COG2: variants seen among roughly 807,000 people sequenced by gnomAD.
COG2 encodes conserved oligomeric Golgi complex subunit 2.
Under a neutral mutation model 90.6 loss-of-function variants are expected in COG2, and 52 were observed. That is an observed-to-expected ratio of 0.57 (90% confidence interval 0.46 to 0.72). COG2 has a LOEUF of 0.72. Among genes scored for constraint, COG2 ranks in the 30% least tolerant of loss-of-function variants. The pLI is 0.00. For missense variants in COG2, 829 were observed against 891.2 expected (o/e 0.93, Z 0.89); for synonymous variants, 337 against 320.4 (o/e 1.05, Z -0.55).
At chr1:230,682,800 T>C (rs960241067) in intron 10 of COG2, 2 of 152,220 alleles carry the variant, frequency 1.3e-5, no homozygotes, top group Non-Finnish European at 1.5e-5. Flanking sequence ...TAAAGAGATA[T>C]ATGAAATTGC....
intron 1 of COG2, among the ~76,000 whole-genome samples, chr1:230,657,521 G>A (rs1662086439): frequency 6.6e-6 from 1 of 152,020 alleles, no homozygotes; most frequent in Admixed American, 6.5e-5. Context: ...TTTTAGCCTT[G>A]GTGAATCTGA....
At chr1:230,687,533 C>T (rs1436004570) in intron 13 of COG2, among the ~76,000 whole-genome samples, 2 of 152,082 alleles carry the variant, frequency 1.3e-5, no homozygotes, top group East Asian at 3.8e-4. Context: ...TAATTTACCC[C>T]GATATTTTCT....
rs1663100108 is a variant in COG2, at chr1:230,693,709, T to C, written c.*316T>C. 5.0e-6 allele frequency: 1 copy of C among 198,510 alleles called. No individual in the cohort carries two copies. Among genetic ancestry groups the C allele is most frequent in the Non-Finnish European group, 1.0e-5 (1 of 98,644 alleles). 12.3% of individuals were successfully genotyped at this position (198,510 alleles called of 1,614,324 possible). A position where few individuals can be genotyped will look rare whatever the true frequency, so the allele number is the denominator to read the frequency against. On this transcript the variant is annotated 3_prime_UTR_variant, in exon 18 of 18. Transcript: ENST00000366669. ...TGTGGAAGAGCTGATTTCTAAAATA[T>C]GATTAAAGTAAATATATACCTATGA...
At chr1:230,647,796 T>A (rs904374804) in intron 1 of COG2, among the ~76,000 whole-genome samples, 12 of 152,236 alleles carry the variant, frequency 7.9e-5, no homozygotes, top group Admixed American at 1.3e-4. Context: ...TACAGTGAAA[T>A]TGTTGTTATA....
At chr1:230,666,269 C>G (rs16852170) in intron 5 of COG2, among the ~76,000 whole-genome samples, 1 of 152,048 alleles carries the variant, frequency 6.6e-6, no homozygotes, top group Non-Finnish European at 1.5e-5. Context: ...CCTTCACTAA[C>G]GAGGCTAGAC....
chr1:230,660,784 G>T lies in COG2; in HGVS notation c.261G>T (p.Gln87His), dbSNP rs538382749. 3 of 1,587,268 alleles carry T rather than the reference G, an allele frequency of 1.9e-6. No individual in the cohort carries two copies. In the African/African-American group the frequency reaches 4.1e-5, roughly 22 times the overall value. The change falls in exon 3 of 18, where the codon CAG becomes CAT. Residue 87 changes from glutamine (Q) to histidine (H), a missense_variant. Physicochemically the swap from Gln to His is conservative, Grantham distance 24. Coordinates refer to ENST00000366669, the MANE Select transcript of COG2 (RefSeq NM_007357.3). ...TTGGCATGGACAAAGCCCTCAACCA[G>T]CTTTCTGTGCCTTTGGGACAATTAC... ...NLVGMDKALN[Q>H]LSVPLGQLRE...
intron 8 of COG2, among the ~76,000 whole-genome samples, chr1:230,674,536 G>T (rs1342053508): frequency 6.6e-6 from 1 of 152,232 alleles, no homozygotes. Flanking sequence ...AGAACTGAAA[G>T]TAATCTTAGA....
In COG2 at chr1:230,685,233, T is replaced by C. The variant is rs376997806; in HGVS notation, c.1377T>C (p.Asn459=). The stretch of plus-strand genomic sequence containing the variant: ...TGGCACGATACTCTGTGTTTGTCAA[T>C]GAGGTAAGGGCTGGCTGTGGAGCTC... ...QILARYSVFV[N]ELSLRPISNE... is the part of the protein sequence containing the mutation. Residue 459 remains asparagine, a synonymous_variant, in exon 12 of 18, where the codon AAT becomes AAC. Coordinates refer to ENST00000366669, the MANE Select transcript of COG2 (RefSeq NM_007357.3). 12 of 1,613,830 alleles carry C rather than the reference T, an allele frequency of 7.4e-6. No individual in the cohort carries two copies. Among genetic ancestry groups the C allele is most frequent in the Non-Finnish European group, 9.3e-6 (11 of 1,179,842 alleles).
chr1:230,648,417 G>T (rs191486931), intron 1 of COG2, among the ~76,000 whole-genome samples: 3 of 152,296 alleles, frequency 2.0e-5, no homozygotes, highest in Admixed American at 6.5e-5. Flanking sequence ...TTTAGCTTCA[G>T]TTTGCAACAC....
At chr1:230,670,405 GA>G (rs1662420755) in intron 7 of COG2, 1 of 152,168 alleles carries the variant, frequency 6.6e-6, no homozygotes, top group Non-Finnish European at 1.5e-5. Flanking sequence ...ATTTCAGGGT[GA>G]AAGTCTTTTA....
chr1:230,668,716 G>T lies in COG2; in HGVS notation c.526G>T (p.Glu176Ter). The T allele has an allele frequency of 6.2e-7, 1 of 1,612,980 alleles. No individual in the cohort carries two copies. Among genetic ancestry groups the T allele is most frequent in the Non-Finnish European group, 8.5e-7 (1 of 1,179,502 alleles). ...TGQILERIATEFNQLQFHAVQ... is the reference protein window; with the variant it reads ...TGQILERIAT ...ACAAATTTTGGAGAGAATTGCCACA[G>T]AATTTAATCAGTTACAGTTTCATGC... Residue 176 changes from glutamate to a stop codon, truncating the protein, a stop_gained, in exon 6 of 18, where the codon GAA becomes TAA. Transcript: ENST00000366669. LOFTEE classifies it high-confidence loss of function.
chr1:230,687,265 A>G (rs1218237313), intron 13 of COG2, 133 bp downstream of exon 13: 7 of 604,058 alleles, frequency 1.2e-5, no homozygotes, highest in South Asian at 3.1e-5. Flanking sequence ...CCAAGAGAGA[A>G]CCTCTCACTC....
chr1:230,652,544 A>G lies in COG2; in HGVS notation c.73-6920A>G, dbSNP rs1403327557. 3.9e-5 allele frequency among the ~76,000 whole-genome samples: 6 copies of G among 152,166 alleles called. No homozygotes were observed. In the East Asian group the frequency reaches 7.7e-4, roughly 20 times the overall value. On this transcript the variant is annotated intron_variant, in intron 1 of 17. Coordinates refer to ENST00000366669, the MANE Select transcript of COG2 (RefSeq NM_007357.3). ...CGTGCAGGTTTTTGTATGGACATACATTTTCAACCCATTTGGCTAAATACG... is the reference window on the plus strand; with the variant it reads ...CGTGCAGGTTTTTGTATGGACATACGTTTTCAACCCATTTGGCTAAATACG...
Position 230,675,889 on chromosome 1 carries a change from A to T in COG2, c.1026+765A>T, listed in dbSNP as rs187473932. Among the ~76,000 whole-genome samples the T allele has an allele frequency of 7.2e-4, 110 of 152,142 alleles. 3 individuals carry two copies. The East Asian group carries it at 0.021, about 29-fold the overall frequency. ...AGGCTAGTGTTGAACTCCTAGCCTC[A>T]TGCACTCCTTCCCCCTCAACCTTCC... On this transcript the variant is annotated intron_variant, in intron 9 of 17. Coordinates refer to ENST00000366669, the MANE Select transcript of COG2 (RefSeq NM_007357.3).
At chr1:230,646,062 C>G (rs1463899772) in intron 1 of COG2, among the ~76,000 whole-genome samples, 1 of 152,084 alleles carries the variant, frequency 6.6e-6, no homozygotes, top group Admixed American at 6.5e-5. Flanking sequence ...TTCTCAGGAC[C>G]CTGTTATTCC....
At chr1:230,658,510 C>A (rs1662114915) in intron 1 of COG2, among the ~76,000 whole-genome samples, 1 of 152,160 alleles carries the variant, frequency 6.6e-6, no homozygotes, top group South Asian at 2.1e-4. Flanking sequence ...AGGTGTCTCC[C>A]AGTCAGGATA....
At chr1:230,653,500 C>T (rs979397564) in intron 1 of COG2, among the ~76,000 whole-genome samples, 7 of 27,978 alleles carry the variant, frequency 2.5e-4, no homozygotes, top group South Asian at 2.1e-3. Flanking sequence ...GCATTACAGA[C>T]GTGAGCCACT....
chr1:230,655,082 CT>C (rs1204724503), intron 1 of COG2, among the ~76,000 whole-genome samples: 2 of 152,130 alleles, frequency 1.3e-5, no homozygotes, highest in African/African-American at 4.8e-5. Context: ...TTTGAATACC[CT>C]TTATTTCTTT....
At chr1:230,662,744 A>C (rs955145022) in intron 3 of COG2, among the ~76,000 whole-genome samples, 7 of 152,162 alleles carry the variant, frequency 4.6e-5, no homozygotes, top group Non-Finnish European at 1.0e-4. Flanking sequence ...ATATGTCATT[A>C]CTGTTCTATC....
Sources: gnomAD v4.1 joint callset for allele counts (sites outside exome capture counted in the v4.1 genomes callset) on GRCh38, gnomAD v4.1.1 for gene constraint, MANE v1.5 for transcripts, NCBI Gene and HGNC (gene_info 2026-07-23, HGNC 2026-07-21) for gene names.